The following CNTNAP2 variants were observed in gnomAD, a reference collection of about 807,000 sequenced individuals.
The protein encoded by CNTNAP2 is contactin associated protein 2.
A neutral mutation model predicts 155.2 loss-of-function variants in CNTNAP2; 98 were observed. The ratio of observed to expected loss-of-function variants is 0.63; its 90% CI spans 0.54 to 0.75. CNTNAP2 has a LOEUF of 0.75. Among genes scored for constraint, CNTNAP2 ranks in the 30% least tolerant of loss-of-function variants. The pLI is 0.00. For missense variants in CNTNAP2, 1,727 were observed against 1,688.1 expected (o/e 1.02, Z -0.40); for synonymous variants, 651 against 631.2 (o/e 1.03, Z -0.47).
chr7:147,721,889 A>G (rs1011363067), intron 13 of CNTNAP2, among the ~76,000 whole-genome samples: 1 of 152,118 alleles, frequency 6.6e-6, no homozygotes, highest in Non-Finnish European at 1.5e-5. Context: ...TGAAACACGG[A>G]CTTCTAACTT....
chr7:147,674,261 A>C (rs1795833497), intron 13 of CNTNAP2, among the ~76,000 whole-genome samples: 1 of 152,194 alleles, frequency 6.6e-6, no homozygotes, highest in South Asian at 2.1e-4. Flanking sequence ...TTCTTTATTG[A>C]AAACATATCC....
chr7:146,439,604 C>T (rs1222175994), intron 1 of CNTNAP2, among the ~76,000 whole-genome samples: 2 of 151,542 alleles, frequency 1.3e-5, no homozygotes. Flanking sequence ...AAAATGCCAT[C>T]TGCATCTACT....
At chr7:146,559,561 C>G (rs1798249917) in intron 1 of CNTNAP2, among the ~76,000 whole-genome samples, 1 of 151,836 alleles carries the variant, frequency 6.6e-6, no homozygotes, top group Non-Finnish European at 1.5e-5. Flanking sequence ...GAGCAACACT[C>G]TGTCTCAAAT....
At chr7:147,550,871 A>G (rs1020085744) in intron 11 of CNTNAP2, among the ~76,000 whole-genome samples, 19 of 152,210 alleles carry the variant, frequency 1.2e-4, no homozygotes, top group African/African-American at 4.6e-4. Context: ...TAGATATAGT[A>G]TATACGTTTG....
chr7:146,383,915 T>A (rs1385052933), intron 1 of CNTNAP2, among the ~76,000 whole-genome samples: 1 of 152,170 alleles, frequency 6.6e-6, no homozygotes, highest in Admixed American at 6.5e-5. Flanking sequence ...GATAGCATAA[T>A]AAGTATCAAT....
intron 15 of CNTNAP2, among the ~76,000 whole-genome samples, chr7:148,080,945 T>A (rs1005107817): frequency 6.6e-6 from 1 of 152,108 alleles, no homozygotes; most frequent in African/African-American, 2.4e-5. Flanking sequence ...GATTCTTAGG[T>A]GTTAGAGACG....
At chr7:146,148,367 T>G (rs1180656321) in intron 1 of CNTNAP2, among the ~76,000 whole-genome samples, 1 of 152,126 alleles carries the variant, frequency 6.6e-6, no homozygotes, top group East Asian at 1.9e-4. Context: ...CTCATAACAT[T>G]GCTCGTCTGT....
At chr7:148,392,220 C>T (rs938493292) in intron 22 of CNTNAP2, among the ~76,000 whole-genome samples, 5 of 152,056 alleles carry the variant, frequency 3.3e-5, no homozygotes, top group Admixed American at 1.3e-4. Context: ...ACTACAGGCA[C>T]GCACCACCAC....
chr7:147,834,805 T>C (rs117406185), intron 13 of CNTNAP2, among the ~76,000 whole-genome samples: 5,020 of 152,354 alleles, frequency 0.033, 138 homozygotes, highest in Non-Finnish European at 0.052. Context: ...CTATGTTATA[T>C]CACACTTTGC....
chr7:147,264,090 A>G (rs1474320505), intron 8 of CNTNAP2, among the ~76,000 whole-genome samples: 3 of 152,208 alleles, frequency 2.0e-5, no homozygotes, highest in Non-Finnish European at 2.9e-5. Context: ...TATGACAGTG[A>G]CAAACAGATA....
chr7:148,364,879 C>T (rs1334212308), intron 21 of CNTNAP2, among the ~76,000 whole-genome samples: 1 of 152,196 alleles, frequency 6.6e-6, no homozygotes, highest in African/African-American at 2.4e-5. Flanking sequence ...CTACTGCTCG[C>T]CCTTTGGGTC....
chr7:147,018,771 G>A (rs1486135966), intron 3 of CNTNAP2, among the ~76,000 whole-genome samples: 2 of 151,950 alleles, frequency 1.3e-5, no homozygotes, highest in East Asian at 1.9e-4. Context: ...ATAAAGAGCC[G>A]CTATGTTCTA....
chr7:147,886,215 G>A (rs140443844), intron 13 of CNTNAP2, among the ~76,000 whole-genome samples: 1 of 152,274 alleles, frequency 6.6e-6, no homozygotes, highest in African/African-American at 2.4e-5. Context: ...GCTCACGCCT[G>A]TAATCCTAGC....
At chr7:147,557,146 C>T (rs1187208363) in intron 11 of CNTNAP2, among the ~76,000 whole-genome samples, 2 of 151,968 alleles carry the variant, frequency 1.3e-5, no homozygotes, top group African/African-American at 4.8e-5. Context: ...CACCTGTAAT[C>T]CCAGCTGCTT....
chr7:146,641,939 A>T (rs1198104233), intron 1 of CNTNAP2, among the ~76,000 whole-genome samples: 3 of 152,152 alleles, frequency 2.0e-5, no homozygotes, highest in Admixed American at 6.5e-5. Flanking sequence ...GATTAAAAAA[A>T]GTTTTAAAAT....
At chr7:147,264,749 CA>C (rs1375146525) in intron 8 of CNTNAP2, among the ~76,000 whole-genome samples, 1 of 151,736 alleles carries the variant, frequency 6.6e-6, no homozygotes, top group Non-Finnish European at 1.5e-5. Flanking sequence ...GAGGATGCAG[CA>C]AGACAGGTGA....
chr7:147,265,107 T>G (rs1804577307), intron 8 of CNTNAP2, among the ~76,000 whole-genome samples: 2 of 151,766 alleles, frequency 1.3e-5, no homozygotes, highest in Admixed American at 1.3e-4. Flanking sequence ...AAGGGAGGAG[T>G]GAGAGTTAAA....
chr7:146,841,153 T>C (rs1803713524), intron 3 of CNTNAP2, among the ~76,000 whole-genome samples: 2 of 152,290 alleles, frequency 1.3e-5, no homozygotes, highest in Non-Finnish European at 2.9e-5. Flanking sequence ...ATTTAGTTGG[T>C]CTAAGGTGCA....
At chr7:147,203,329 C>T (rs982216079) in intron 8 of CNTNAP2, among the ~76,000 whole-genome samples, 4 of 152,082 alleles carry the variant, frequency 2.6e-5, no homozygotes, top group East Asian at 1.9e-4. Context: ...ACTGCAAACT[C>T]GGCCTCCCAG....
Sources: allele counts gnomAD v4.1 joint callset (sites outside exome capture counted in the v4.1 genomes callset), GRCh38; gene constraint gnomAD v4.1.1; transcripts MANE v1.5; gene names NCBI Gene and HGNC (gene_info 2026-07-23, HGNC 2026-07-21).